Variants in AGK observed in about 807,000 individuals in gnomAD.
AGK encodes the protein acylglycerol kinase.
A neutral mutation model predicts 66.4 loss-of-function variants in AGK; 52 were observed. The ratio of observed to expected loss-of-function variants is 0.78; its 90% CI spans 0.63 to 0.99. The LOEUF (loss-of-function observed/expected upper bound fraction) is 0.99, where lower values mean the gene tolerates loss of function less well. Ranked by LOEUF, AGK falls within the 50% of genes least tolerant of loss-of-function variation. The pLI is 0.00. For missense variants in AGK, 451 were observed against 506.6 expected (o/e 0.89, Z 1.05); for synonymous variants, 182 against 181.1 (o/e 1.00, Z -0.04).
chr7:141,650,228 T>G (rs775153817), intron 14 of AGK, among the ~76,000 whole-genome samples: 46 of 152,272 alleles, frequency 3.0e-4, no homozygotes, highest in Non-Finnish European at 5.0e-4. Flanking sequence ...AATAGCTGAT[T>G]CTGCAGCCTT....
At chr7:141,639,851 G>T (rs1200562633) in intron 11 of AGK, among the ~76,000 whole-genome samples, 1 of 152,194 alleles carries the variant, frequency 6.6e-6, no homozygotes, top group Admixed American at 6.5e-5. Flanking sequence ...GAGCCATGAT[G>T]TAAGAGTACA....
chr7:141,605,297 T>A (rs2116943146), intron 5 of AGK, among the ~76,000 whole-genome samples: 1 of 152,260 alleles, frequency 6.6e-6, no homozygotes, highest in South Asian at 2.1e-4. Flanking sequence ...GGAGTATGAG[T>A]GAGTCAACCC....
intron 2 of AGK, among the ~76,000 whole-genome samples, chr7:141,566,253 A>G (rs577407703): frequency 1.3e-5 from 2 of 152,176 alleles, no homozygotes; most frequent in African/African-American, 2.4e-5. Context: ...AACTCCTCCT[A>G]TATATTATTC....
At chr7:141,634,995 T>G (rs1797139922) in intron 10 of AGK, among the ~76,000 whole-genome samples, 2 of 148,922 alleles carry the variant, frequency 1.3e-5, no homozygotes, top group African/African-American at 2.6e-5. Flanking sequence ...GTGCCATGAT[T>G]ATGGGATTCT....
Position 141,613,398 on chromosome 7 carries a change from C to T in AGK, c.391-748C>T, listed in dbSNP as rs554474090. On this transcript the variant is annotated intron_variant, in intron 6 of 15. Coordinates refer to ENST00000649286, the MANE Select transcript of AGK (RefSeq NM_018238.4). Reference sequence around the variant, plus strand: ...CTTTGGGAGGCCAAGGTGGGCGGATCACCTGAGGTCCAGAGTTTGAAACCA... The same window carrying T: ...CTTTGGGAGGCCAAGGTGGGCGGATTACCTGAGGTCCAGAGTTTGAAACCA... Among the ~76,000 whole-genome samples the T allele has an allele frequency of 9.9e-5, 15 of 152,272 alleles. No individual in the cohort carries two copies. In the South Asian group the frequency reaches 2.9e-3, roughly 29 times the overall value.
At chr7:141,631,789 G>A (rs896352894) in intron 9 of AGK, among the ~76,000 whole-genome samples, 1 of 152,064 alleles carries the variant, frequency 6.6e-6, no homozygotes, top group Admixed American at 6.5e-5. Flanking sequence ...TCCCATCTCC[G>A]AATAACACCA....
chr7:141,588,761 A>G (rs1010750199), intron 2 of AGK, among the ~76,000 whole-genome samples: 4 of 152,174 alleles, frequency 2.6e-5, no homozygotes, highest in Non-Finnish European at 5.9e-5. Context: ...TTTTTCAGAA[A>G]GGGATGGGCA....
chr7:141,569,987 C>T (rs1442262947), intron 2 of AGK, among the ~76,000 whole-genome samples: 3 of 152,148 alleles, frequency 2.0e-5, no homozygotes, highest in African/African-American at 7.2e-5. Flanking sequence ...GGATGTGTGA[C>T]GTTGGGCAAG....
intron 2 of AGK, among the ~76,000 whole-genome samples, chr7:141,584,445 C>T (rs188269145): frequency 1.3e-5 from 2 of 152,180 alleles, no homozygotes; most frequent in African/African-American, 4.8e-5. Context: ...GCCTGACACT[C>T]AATGTAAATC....
Position 141,641,386 on chromosome 7 carries a change from C to G in AGK, c.865C>G (p.Gln289Glu). 1 of 1,612,272 alleles carries G rather than the reference C, an allele frequency of 6.2e-7. No individual in the cohort carries two copies. The highest frequency in any genetic ancestry group is 8.5e-7 in the Non-Finnish European group (1 of 1,179,360). ...ILRRLASYWA[Q>E]PQDALSQEVS... ...ACGAAGGCTTGCGTCCTACTGGGCA[C>G]AACCACAGGATGGTGAGCAATGTGG... Residue 289 changes from glutamine (Q) to glutamate (E), a missense_variant, in exon 12 of 16, where the codon CAA becomes GAA. By Grantham distance (29) the Gln-to-Glu change is conservative (BLOSUM62 2). Coordinates refer to ENST00000649286, the MANE Select transcript of AGK (RefSeq NM_018238.4).
At chr7:141,639,699 G>T (rs1237553613) in intron 11 of AGK, among the ~76,000 whole-genome samples, 1 of 152,204 alleles carries the variant, frequency 6.6e-6, no homozygotes, top group Non-Finnish European at 1.5e-5. Flanking sequence ...GAAGAAAGAT[G>T]AATGTAGGAG....
chr7:141,568,559 C>A (rs1176621433), intron 2 of AGK, among the ~76,000 whole-genome samples: 1 of 151,676 alleles, frequency 6.6e-6, no homozygotes, highest in Non-Finnish European at 1.5e-5. Flanking sequence ...CCAGGGCCAT[C>A]CCATTTCTTT....
In AGK at chr7:141,651,560, A is replaced by G. The variant is rs1214174881; in HGVS notation, c.1082A>G (p.Glu361Gly). The G allele has an allele frequency of 6.2e-7, 1 of 1,614,232 alleles. No individual in the cohort carries two copies. The change falls in exon 15 of 16, where the codon GAG becomes GGG. Residue 361 changes from glutamate (E) to glycine (G), a missense_variant. Glu to Gly is a moderately conservative substitution (Grantham distance 98, BLOSUM62 -2). Transcript: ENST00000649286. ...GTGAGAAACCCCAAGCTGCACGTGGAGGGCACGGAGTGTCTCCAAGCCAGC... is the reference window on the plus strand; with the variant it reads ...GTGAGAAACCCCAAGCTGCACGTGGGGGGCACGGAGTGTCTCCAAGCCAGC... ...RKVRNPKLHV[E>G]GTECLQASQC...
intron 15 of AGK, 95 bp downstream of exon 15, chr7:141,651,704 C>CCTAG: frequency 8.5e-7 from 1 of 1,183,110 alleles, no homozygotes; most frequent in East Asian, 2.4e-5. Flanking sequence ...TGTTAGCTGA[C>CCTAG]CTAGACTTAG....
At chr7:141,650,105 T>C (rs566250915) in intron 14 of AGK, among the ~76,000 whole-genome samples, 1 of 152,374 alleles carries the variant, frequency 6.6e-6, no homozygotes, top group South Asian at 2.1e-4. Flanking sequence ...CTCGTGCCCA[T>C]TTAGGGATCA....
rs375428747 is a variant in AGK, at chr7:141,561,471, T to C, written c.101+5904T>C. Among the ~76,000 whole-genome samples, 55 of 152,034 alleles carry C rather than the reference T, an allele frequency of 3.6e-4. 2 individuals carry two copies. The South Asian group carries it at 0.011, about 29-fold the overall frequency. On this transcript the variant is annotated intron_variant, in intron 2 of 15. Transcript: ENST00000649286. ...TTAATTGTGGCCATTCTTGCAGGAG[T>C]AAGGTGGTATCTCATTATTTTTTTT...
chr7:141,567,677 CA>C (rs1795501730), intron 2 of AGK, among the ~76,000 whole-genome samples: 1 of 152,206 alleles, frequency 6.6e-6, no homozygotes, highest in Non-Finnish European at 1.5e-5. Flanking sequence ...CTGCTTTTAC[CA>C]AGCTTTCCAG....
chr7:141,643,935 T>C (rs1371832622), intron 13 of AGK, among the ~76,000 whole-genome samples: 4 of 152,186 alleles, frequency 2.6e-5, no homozygotes, highest in African/African-American at 9.6e-5. Flanking sequence ...TGGCATAGTA[T>C]ACATAAAGTG....
intron 2 of AGK, among the ~76,000 whole-genome samples, chr7:141,565,652 A>G (rs78756106): frequency 5.2e-4 from 79 of 152,116 alleles, no homozygotes; most frequent in African/African-American, 1.8e-3. Context: ...AAAAAAAAAA[A>G]TTCCCAAACT....
Sources: allele counts gnomAD v4.1 joint callset (sites outside exome capture counted in the v4.1 genomes callset), GRCh38; gene constraint gnomAD v4.1.1; transcripts MANE v1.5; gene names NCBI Gene and HGNC (gene_info 2026-07-23, HGNC 2026-07-21).